The following PUM2 variants were observed in gnomAD, a reference collection of about 807,000 sequenced individuals.
The protein encoded by PUM2 is pumilio homolog 2.
In PUM2, 57 loss-of-function variants were observed where a neutral mutation model predicts 124.5. The observed-to-expected ratio is 0.46, with a 90% CI of 0.37 to 0.57. PUM2 has a LOEUF of 0.57. PUM2 is among the 20% of genes least tolerant of loss of function. PUM2 has a pLI of 0.00. For synonymous variants in PUM2, 460 were observed against 446.1 expected, an observed-to-expected ratio of 1.03 and a Z score of -0.39; for missense variants, 1,065 against 1,290.6, an observed-to-expected ratio of 0.83 and a Z score of 2.68.
chr2:20,344,810 G>A lies in PUM2; in HGVS notation c.-19+5787C>T, dbSNP rs1047167104. Among the ~76,000 whole-genome samples the A allele has an allele frequency of 4.0e-5, 6 of 151,516 alleles. No individual in the cohort carries two copies. The South Asian group carries it at 6.3e-4, about 16-fold the overall frequency. The stretch of plus-strand genomic sequence containing the variant: ...ATCCTGGCTAACATGGTGAAACCCC[G>A]TCTCTACTAAAAATACAAAAAAAAT... On this transcript the variant is annotated intron_variant, in intron 1 of 20. Transcript: ENST00000361078.
In PUM2 at chr2:20,255,290, G is replaced by A. The variant is rs752734691; in HGVS notation, c.2674C>T (p.Leu892=). The A allele has an allele frequency of 1.4e-4, 232 of 1,609,752 alleles. No homozygotes were observed. Among genetic ancestry groups the A allele is most frequent in the South Asian group, 3.2e-4 (29 of 91,012 alleles). ...PYGCRVIQRI[L]EHCTAEQTLP... ...GTCTGTTCTGCAGTGCAATGCTCTA[G>A]GATGCGCTGAATTACTCTGCAGCCA... The change falls in exon 18 of 21, where the codon CTA becomes TTA. Residue 892 remains leucine (L), a synonymous_variant. Transcript: ENST00000361078.
At chr2:20,307,574 T>C (rs1181150097) in intron 7 of PUM2, among the ~76,000 whole-genome samples, 2 of 152,122 alleles carry the variant, frequency 1.3e-5, no homozygotes, top group Non-Finnish European at 2.9e-5. Flanking sequence ...ACAGACAACA[T>C]CATGTACCAA....
chr2:20,350,779 G>T lies in PUM2; in HGVS notation c.-201C>A. Reference sequence around the variant, plus strand: ...CCTCCCCCTCCTCCTCCGAACCACCGAAGTACCGAGGGTGAGACACAGAGA... The same window carrying T: ...CCTCCCCCTCCTCCTCCGAACCACCTAAGTACCGAGGGTGAGACACAGAGA... On this transcript the variant is annotated 5_prime_UTR_variant, in exon 1 of 21. Transcript: ENST00000361078. The T allele has an allele frequency of 1.1e-6, 1 of 916,704 alleles. No homozygotes were observed. Among genetic ancestry groups the T allele is most frequent in the Non-Finnish European group, 1.2e-6 (1 of 802,454 alleles). The allele number at this position is 916,704 out of a possible 1,614,324, so 56.8% of individuals were successfully genotyped here.
At chr2:20,273,095 A>G (rs1669414136) in intron 13 of PUM2, among the ~76,000 whole-genome samples, 3 of 152,190 alleles carry the variant, frequency 2.0e-5, no homozygotes, top group Admixed American at 2.0e-4. Context: ...GGATGGTGTA[A>G]ATTACAGGTG....
chr2:20,285,195 T>C (rs1411100359), intron 10 of PUM2, among the ~76,000 whole-genome samples: 4 of 152,234 alleles, frequency 2.6e-5, no homozygotes, highest in South Asian at 2.1e-4. Context: ...AACTCAACTC[T>C]GAAGTCCTGT....
chr2:20,258,460 C>A, intron 15 of PUM2, 89 bp from the exon 16 acceptor site: 1 of 1,318,058 alleles, frequency 7.6e-7, no homozygotes, highest in Non-Finnish European at 1.1e-6. Flanking sequence ...TCTATTCATT[C>A]TATCAGTAAC....
intron 12 of PUM2, 77 bp downstream of exon 12, chr2:20,282,870 T>C (rs1046090443): frequency 3.5e-6 from 5 of 1,421,106 alleles, no homozygotes; most frequent in Non-Finnish European, 4.8e-6. Flanking sequence ...CATGCTATTA[T>C]TGCTTATTTT....
At chr2:20,314,529 G>A (rs191497688) in intron 3 of PUM2, among the ~76,000 whole-genome samples, 2 of 152,230 alleles carry the variant, frequency 1.3e-5, no homozygotes, top group Admixed American at 6.5e-5. Flanking sequence ...TGAAAGAACC[G>A]GTAAGCTACC....
At chr2:20,327,852 A>T (rs904754005) in intron 1 of PUM2, among the ~76,000 whole-genome samples, 5 of 152,244 alleles carry the variant, frequency 3.3e-5, no homozygotes, top group African/African-American at 9.6e-5. Flanking sequence ...GGAAAGTAAG[A>T]AAGGGAATCC....
At chr2:20,318,129 C>T (rs1572899620) in intron 3 of PUM2, among the ~76,000 whole-genome samples, 2 of 152,172 alleles carry the variant, frequency 1.3e-5, no homozygotes, top group Admixed American at 1.3e-4. Flanking sequence ...TCCACAATGG[C>T]TGAACTAATT....
At chr2:20,266,846 T>C (rs1050729111) in intron 13 of PUM2, among the ~76,000 whole-genome samples, 3 of 147,844 alleles carry the variant, frequency 2.0e-5, no homozygotes, top group South Asian at 2.1e-4. Context: ...TCCCTTTCTC[T>C]TTCTTATAAA....
At chr2:20,342,189 G>T (rs1246415503) in intron 1 of PUM2, among the ~76,000 whole-genome samples, 1 of 151,782 alleles carries the variant, frequency 6.6e-6, no homozygotes, top group African/African-American at 2.4e-5. Flanking sequence ...AGAACTAAAG[G>T]AAGAAATCTG....
At chr2:20,341,972 T>C (rs577996955) in intron 1 of PUM2, among the ~76,000 whole-genome samples, 3 of 151,614 alleles carry the variant, frequency 2.0e-5, no homozygotes, top group Non-Finnish European at 4.4e-5. Flanking sequence ...TCTACTAAAA[T>C]ATAAAAATTA....
At chr2:20,259,072 A>G (rs1016192380) in intron 15 of PUM2, among the ~76,000 whole-genome samples, 6 of 152,232 alleles carry the variant, frequency 3.9e-5, no homozygotes, top group African/African-American at 1.2e-4. Context: ...TGAGGAAAAA[A>G]CTGTTAAAGT....
At position 20,260,240 on chromosome 2, in the gene PUM2, T is replaced by A. The variant is rs539867083; in HGVS notation, c.2355+97A>T. The A allele has an allele frequency of 3.4e-4, 428 of 1,271,766 alleles. 7 individuals are homozygous for A. In the South Asian group the frequency reaches 7.3e-3, roughly 22 times the overall value. The allele number at this position is 1,271,766 out of a possible 1,614,324, so 78.8% of individuals were successfully genotyped here. On this transcript the variant is annotated intron_variant, in intron 15 of 20. Transcript: ENST00000361078. ...TTATCCCTGGCTTATTATCTTTTTTTATATGAAAATGACTTTACCCAACTT... is the reference window on the plus strand; with the variant it reads ...TTATCCCTGGCTTATTATCTTTTTTAATATGAAAATGACTTTACCCAACTT...
intron 7 of PUM2, among the ~76,000 whole-genome samples, chr2:20,305,761 T>TGC (rs1429727217): frequency 6.6e-6 from 1 of 152,060 alleles, no homozygotes; most frequent in African/African-American, 2.4e-5. Context: ...ACTTTAAAGC[T>TGC]ACAATGAAAG....
Position 20,297,653 on chromosome 2 carries a change from A to G in PUM2, c.909T>C (p.Ala303=). The G allele has an allele frequency of 1.2e-6, 2 of 1,613,334 alleles. No individual in the cohort carries two copies. The highest frequency in any genetic ancestry group is 2.2e-5 in the East Asian group (1 of 44,882). Residue 303 remains alanine (A), a synonymous_variant, in exon 8 of 21, where the codon GCT becomes GCC. Coordinates refer to ENST00000361078, the MANE Select transcript of PUM2 (RefSeq NM_015317.5). ...ATGGATTTGGCACAAATGCAGCTGG[A>G]GCAAGGCCTGCTGAGAATACACCAG... ...HIAGVFSAGL[A]PAAFVPNPYI...
intron 3 of PUM2, 43 bp downstream of exon 3, chr2:20,318,494 G>A: frequency 6.6e-7 from 1 of 1,515,956 alleles, no homozygotes; most frequent in Non-Finnish European, 9.1e-7. Flanking sequence ...CTTATAAAAT[G>A]CTAAATATAT....
chr2:20,308,577 G>T lies in PUM2; in HGVS notation c.526C>A (p.Pro176Thr), dbSNP rs772562563. 2 of 1,606,716 alleles carry T rather than the reference G, an allele frequency of 1.2e-6. No homozygotes were observed. Among genetic ancestry groups the T allele is most frequent in the Non-Finnish European group, 1.7e-6 (2 of 1,176,620 alleles). ...DADCKDFNRT[P>T]GSRQASPTEV... ...GTTGGAGAGGCTTGACGACTTCCAGGAGTACGACTACATAAAGAAAATAGA... is the reference window on the plus strand; with the variant it reads ...GTTGGAGAGGCTTGACGACTTCCAGTAGTACGACTACATAAAGAAAATAGA... The change falls in exon 6 of 21, where the codon CCT (proline) becomes ACT (threonine). Residue 176 changes from proline (P) to threonine (T), a missense_variant. Physicochemically the swap from Pro to Thr is conservative, Grantham distance 38. This residue lies in a region of PUM2 where 968 missense variants were observed against 1,159.8 expected (regional missense o/e 0.83). Transcript: ENST00000361078.
Sources: gnomAD v4.1 joint callset for allele counts (sites outside exome capture counted in the v4.1 genomes callset) on GRCh38, gnomAD v4.1.1 for gene constraint, gnomAD v4.1.1 regional missense constraint, MANE v1.5 for transcripts, NCBI Gene and HGNC (gene_info 2026-07-23, HGNC 2026-07-21) for gene names.